The following OSTN variants were observed in gnomAD, a reference collection of about 807,000 sequenced individuals.
OSTN encodes osteocrin.
A neutral mutation model predicts 12.0 loss-of-function variants in OSTN; 9 were observed. The observed-to-expected ratio is 0.75, with a 90% CI of 0.45 to 1.30. The LOEUF is 1.30. OSTN is among the 50% of genes most tolerant of loss of function. OSTN has a pLI of 0.00. For missense variants in OSTN, 148 were observed against 152.3 expected, an observed-to-expected ratio of 0.97 and a Z score of 0.15; for synonymous variants, 59 against 56.9, an observed-to-expected ratio of 1.04 and a Z score of -0.16.
At position 191,246,959 on chromosome 3, in the gene OSTN, T is replaced by C. The variant is rs1056940131; in HGVS notation, c.318-3078T>C. Reference sequence around the variant, plus strand: ...CAACCAGATAACCCAGGATAATCTTTTCATCTCTAGGTCCTTAACCTTAAT... The same window carrying C: ...CAACCAGATAACCCAGGATAATCTTCTCATCTCTAGGTCCTTAACCTTAAT... On this transcript the variant is annotated intron_variant, in intron 3 of 4. Transcript: ENST00000682035. 5.9e-5 allele frequency among the ~76,000 whole-genome samples: 9 copies of C among 152,228 alleles called. 1 individual carries two copies. The South Asian group carries it at 1.0e-3, about 17-fold the overall frequency.
At chr3:191,213,569 T>C (rs1160776588) in intron 2 of OSTN, among the ~76,000 whole-genome samples, 1 of 152,026 alleles carries the variant, frequency 6.6e-6, no homozygotes, top group Admixed American at 6.6e-5. Context: ...ATTTGAGTAG[T>C]TTTGTTCAAA....
At chr3:191,221,032 C>A (rs532231463) in intron 3 of OSTN, among the ~76,000 whole-genome samples, 117 of 152,224 alleles carry the variant, frequency 7.7e-4, no homozygotes, top group African/African-American at 2.8e-3. Flanking sequence ...TGGTTACCCC[C>A]GTGCTGAAGT....
At chr3:191,262,241 T>C (rs1198816684) in intron 4 of OSTN, among the ~76,000 whole-genome samples, 2 of 152,172 alleles carry the variant, frequency 1.3e-5, no homozygotes, top group Non-Finnish European at 2.9e-5. Context: ...AACGTGACCA[T>C]TAATTGTGCT....
chr3:191,258,785 C>T lies in OSTN; in HGVS notation c.*13-4081C>T, dbSNP rs986171314. On this transcript the variant is annotated intron_variant, in intron 4 of 4. Coordinates refer to ENST00000682035, the MANE Select transcript of OSTN (RefSeq NM_198184.2). ...AATACATTTTTCTGGGTGTTTAAAC[C>T]GCACCGTTGTTCATCTAATGTGCAA... 3.3e-5 allele frequency among the ~76,000 whole-genome samples: 5 copies of T among 152,208 alleles called. 1 individual carries two copies. The highest frequency in any genetic ancestry group is 2.9e-5 in the Non-Finnish European group (2 of 68,004).
At chr3:191,224,683 TAAC>T (rs1359538524) in intron 3 of OSTN, among the ~76,000 whole-genome samples, 1 of 151,962 alleles carries the variant, frequency 6.6e-6, no homozygotes, top group Non-Finnish European at 1.5e-5. Context: ...TAGAAATTAA[TAAC>T]AAAATCAAAA....
At chr3:191,241,166 A>ATTTTTTT (rs1378328058) in intron 3 of OSTN, among the ~76,000 whole-genome samples, 1 of 48,342 alleles carries the variant, frequency 2.1e-5, no homozygotes, top group Non-Finnish European at 4.9e-5. Context: ...CTGTGCCTTG[A>ATTTTTTT]CTTTTTTTTT....
intron 1 of OSTN, among the ~76,000 whole-genome samples, chr3:191,202,985 GA>G (rs1237635395): frequency 6.6e-6 from 1 of 152,168 alleles, no homozygotes; most frequent in East Asian, 1.9e-4. Context: ...CTAAAGTTTA[GA>G]GGAATGATTA....
At chr3:191,210,328 G>T (rs542448473) in intron 1 of OSTN, among the ~76,000 whole-genome samples, 2 of 152,146 alleles carry the variant, frequency 1.3e-5, no homozygotes, top group African/African-American at 4.8e-5. Context: ...GCACGCACCC[G>T]AGCCTCTGCC....
intron 3 of OSTN, chr3:191,229,625 TAA>T: frequency 6.6e-6 from 1 of 152,104 alleles, no homozygotes; most frequent in Non-Finnish European, 1.5e-5. Context: ...TTAGACCTAG[TAA>T]AAGAGTAAAT....
intron 2 of OSTN, among the ~76,000 whole-genome samples, chr3:191,213,716 A>G (rs1176153743): frequency 6.6e-6 from 1 of 152,086 alleles, no homozygotes; most frequent in Non-Finnish European, 1.5e-5. Context: ...CTTAAATAGC[A>G]TAAAGTGAGA....
intron 1 of OSTN, among the ~76,000 whole-genome samples, chr3:191,210,243 C>G (rs1714384378): frequency 6.6e-6 from 1 of 152,164 alleles, no homozygotes; most frequent in Admixed American, 6.5e-5. Context: ...GAAAATCTGC[C>G]TCCATTATCC....
chr3:191,235,647 C>T (rs1294576472), intron 3 of OSTN, among the ~76,000 whole-genome samples: 1 of 152,176 alleles, frequency 6.6e-6, no homozygotes, highest in Non-Finnish European at 1.5e-5. Flanking sequence ...CTATGCCCCT[C>T]ATCCTCACCC....
At chr3:191,224,059 A>C (rs1210056463) in intron 3 of OSTN, among the ~76,000 whole-genome samples, 1 of 152,204 alleles carries the variant, frequency 6.6e-6, no homozygotes, top group Non-Finnish European at 1.5e-5. Flanking sequence ...GAGAAACTAC[A>C]AAGAATGCCA....
chr3:191,225,639 C>T (rs1314228717), intron 3 of OSTN, among the ~76,000 whole-genome samples: 3 of 152,104 alleles, frequency 2.0e-5, no homozygotes, highest in African/African-American at 4.8e-5. Flanking sequence ...GAATACTACA[C>T]AGCCATAAAA....
rs143884647 is a variant in OSTN at position 191,210,415 on chromosome 3, T to A, written c.1-2118T>A. On this transcript the variant is annotated intron_variant, in intron 1 of 4. Transcript: ENST00000682035. Reference sequence around the variant, plus strand: ...AGAAAATGTCAAAAAAAATCCTGGGTCACACCAAAACAAATGTAGTTATTA... The same window carrying A: ...AGAAAATGTCAAAAAAAATCCTGGGACACACCAAAACAAATGTAGTTATTA... Among the ~76,000 whole-genome samples the A allele has an allele frequency of 8.1e-4, 123 of 152,290 alleles. 2 individuals are homozygous for A. Among genetic ancestry groups the A allele is most frequent in the African/African-American group, 2.8e-3 (117 of 41,574 alleles).
At chr3:191,219,747 G>A (rs907345228) in intron 3 of OSTN, among the ~76,000 whole-genome samples, 2 of 152,304 alleles carry the variant, frequency 1.3e-5, no homozygotes, top group African/African-American at 4.8e-5. Context: ...AATTGACCAA[G>A]ATTCCTTTAG....
intron 4 of OSTN, 77 bp from the exon 5 acceptor site, chr3:191,262,789 C>G (rs1715841859): frequency 1.4e-6 from 1 of 691,248 alleles, no homozygotes; most frequent in Non-Finnish European, 2.6e-6. Context: ...TAACTCTTCT[C>G]AAGTGAAGTT....
chr3:191,222,432 G>A (rs1359780869), intron 3 of OSTN, among the ~76,000 whole-genome samples: 1 of 152,210 alleles, frequency 6.6e-6, no homozygotes, highest in Admixed American at 6.5e-5. Flanking sequence ...CTTGCATGGG[G>A]CCTGTAGCCC....
intron 1 of OSTN, among the ~76,000 whole-genome samples, chr3:191,203,348 T>A (rs1172514155): frequency 2.0e-5 from 3 of 152,190 alleles, no homozygotes; most frequent in African/African-American, 7.2e-5. Context: ...TTGTTAAACA[T>A]CCAGATCTGG....
Sources: allele counts gnomAD v4.1 joint callset (sites outside exome capture counted in the v4.1 genomes callset), GRCh38; gene constraint gnomAD v4.1.1; transcripts MANE v1.5; gene names NCBI Gene and HGNC (gene_info 2026-07-23, HGNC 2026-07-21).